NRBP1: variants seen among roughly 807,000 people sequenced by gnomAD.
NRBP1 encodes the protein nuclear receptor binding protein 1, also known as nuclear receptor-binding protein.
In NRBP1, 10 loss-of-function variants were observed where a neutral mutation model predicts 76.0. The observed-to-expected ratio is 0.13, with a 90% confidence interval of 0.08 to 0.22. NRBP1 has a LOEUF of 0.22. NRBP1 is among the 10% of genes least tolerant of loss of function. The probability of loss-of-function intolerance (pLI) is 1.00; values close to 1 mark genes in which losing one functional copy is unlikely to be tolerated. For missense variants in NRBP1, 344 were observed against 646.0 expected, an observed-to-expected ratio of 0.53 and a Z score of 5.07; for synonymous variants, 235 against 240.2, an observed-to-expected ratio of 0.98 and a Z score of 0.20.
chr2:27,441,548 C>A lies in NRBP1; in HGVS notation c.1448-19C>A, dbSNP rs371036113. 11 of 1,613,870 alleles carry A rather than the reference C, an allele frequency of 6.8e-6. No individual in the cohort carries two copies. Among genetic ancestry groups the A allele is most frequent in the Non-Finnish European group, 9.3e-6 (11 of 1,179,906 alleles). On this transcript the variant is annotated intron_variant, in intron 16 of 17. Coordinates refer to ENST00000379852, the MANE Select transcript of NRBP1 (RefSeq NM_013392.4). ...CCTCAGTCCCGTACTGTACTCACCC[C>A]CTCCTGTTTCTTTGTCAGATGAGAA...
At position 27,441,886 on chromosome 2, in the gene NRBP1, C is replaced by T. The variant is rs559793463; in HGVS notation, c.*74C>T. On this transcript the variant is annotated 3_prime_UTR_variant, in exon 18 of 18. Transcript: ENST00000379852. ...TGCTGCAGCCCTCCTGTCCCTTCCCCCCAGTCAGTATTACCCTGTGAAGCC... is the reference window on the plus strand; with the variant it reads ...TGCTGCAGCCCTCCTGTCCCTTCCCTCCAGTCAGTATTACCCTGTGAAGCC... The T allele has an allele frequency of 4.1e-5, 36 of 880,828 alleles. No individual in the cohort carries two copies. Among genetic ancestry groups the T allele is most frequent in the Middle Eastern group, 2.3e-4 (1 of 4,326 alleles). 54.6% of individuals were successfully genotyped at this position (880,828 alleles called of 1,614,324 possible).
At chr2:27,435,537 G>C (rs1664269706) in intron 7 of NRBP1, 2 of 638,354 alleles carry the variant, frequency 3.1e-6, no homozygotes, top group East Asian at 5.5e-5. Context: ...TGCCAGAGGA[G>C]GTTCCAGGCT....
chr2:27,436,926 C>G (rs1664328873), intron 8 of NRBP1, 90 bp downstream of exon 8: 8 of 1,447,588 alleles, frequency 5.5e-6, no homozygotes, highest in South Asian at 2.4e-5. Flanking sequence ...ACTGAAACTT[C>G]TAGGCCTTCT....
At chr2:27,430,472 T>TC (rs1298957667) in intron 1 of NRBP1, among the ~76,000 whole-genome samples, 2 of 111,112 alleles carry the variant, frequency 1.8e-5, no homozygotes, top group African/African-American at 7.8e-5. Context: ...TTTTTTTCTT[T>TC]TTTTTTTTTT....
rs368054308 is a variant in NRBP1, at chr2:27,440,434, C to G, written c.1068C>G (p.Ile356Met). 1 of 1,613,844 alleles carries G rather than the reference C, an allele frequency of 6.2e-7. No homozygotes were observed. Among genetic ancestry groups the G allele is most frequent in the East Asian group, 2.2e-5 (1 of 44,866 alleles). Reference protein sequence around the residue: ...HMIPENALEEITKNMDTSAVL... With the variant: ...HMIPENALEEMTKNMDTSAVL... ...TCCCAGAGAACGCTCTAGAGGAGAT[C>G]ACCAAAAACATGGATACTAGTGCCG... Residue 356 changes from isoleucine (I) to methionine (M), a missense_variant, in exon 12 of 18, where the codon ATC becomes ATG. This residue lies in a region of NRBP1 where 218 missense variants were observed against 309.8 expected (regional missense o/e 0.70). Coordinates refer to ENST00000379852, the MANE Select transcript of NRBP1 (RefSeq NM_013392.4).
chr2:27,433,596 G>A, intron 2 of NRBP1, 77 bp from the exon 3 acceptor site: 2 of 1,604,774 alleles, frequency 1.2e-6, no homozygotes, highest in Middle Eastern at 1.7e-4. Context: ...GGGCTAGGAG[G>A]AGATGATCAT....
At position 27,428,665 on chromosome 2, in the gene NRBP1, C is replaced by A. The variant is rs1663963170; in HGVS notation, c.-87C>A. On this transcript the variant is annotated 5_prime_UTR_variant, in exon 1 of 18. In the 5' UTR this introduces an upstream ATG that the reference lacks. Coordinates refer to ENST00000379852, the MANE Select transcript of NRBP1 (RefSeq NM_013392.4). ...GCGGAGCGCAGCTGTGAGGGAGTCG[C>A]TGTGATCCGGGGCCCCGGAACCCGA... 7.5e-6 allele frequency: 3 copies of A among 398,130 alleles called. No homozygotes were observed. The East Asian group carries it at 1.1e-4, about 14-fold the overall frequency. The allele number at this position is 398,130 out of a possible 1,614,324, so 24.7% of individuals were successfully genotyped here.
chr2:27,429,828 C>G (rs974391206), intron 1 of NRBP1, among the ~76,000 whole-genome samples: 7 of 152,136 alleles, frequency 4.6e-5, no homozygotes, highest in African/African-American at 1.7e-4. Flanking sequence ...GTCCTCGGTC[C>G]AGAAGTTTCT....
chr2:27,434,561 G>GTA lies in NRBP1; in HGVS notation c.525+4_525+5dup. 6.2e-7 allele frequency: 1 copy of GTA among 1,613,468 alleles called. No homozygotes were observed. The highest frequency in any genetic ancestry group is 1.7e-5 in the Admixed American group (1 of 60,024). ...GAACCACAAGACGATGAATGAAAAG[G>GTA]TATAGAAGGAGAGCAGACAAAGTTT... On this transcript the variant is annotated splice_donor_variant, in intron 5 of 17. Transcript: ENST00000379852. LOFTEE classifies it high-confidence loss of function.
intron 1 of NRBP1, among the ~76,000 whole-genome samples, chr2:27,431,443 G>T (rs1197488865): frequency 6.6e-6 from 1 of 152,160 alleles, no homozygotes; most frequent in Non-Finnish European, 1.5e-5. Flanking sequence ...TTGAATGTGG[G>T]CATTTATTTT....
intron 1 of NRBP1, among the ~76,000 whole-genome samples, chr2:27,432,764 A>C (rs1004202727): frequency 2.0e-5 from 3 of 150,350 alleles, no homozygotes; most frequent in African/African-American, 7.4e-5. Context: ...TTTTGTAAAG[A>C]TGGGGTCTCA....
chr2:27,437,427 G>A, intron 10 of NRBP1, 67 bp downstream of exon 10: 12 of 1,153,470 alleles, frequency 1.0e-5, no homozygotes, highest in Non-Finnish European at 1.6e-5. Context: ...TTCTTCCTTT[G>A]TACCCACTGG....
chr2:27,430,478 T>TTTTTTTTTTTC (rs1553317017), intron 1 of NRBP1, among the ~76,000 whole-genome samples: 22 of 137,778 alleles, frequency 1.6e-4, no homozygotes, highest in South Asian at 2.2e-4. Flanking sequence ...TCTTTTTTTT[T>TTTTTTTTTTTC]TTTTTTTTGA....
intron 10 of NRBP1, among the ~76,000 whole-genome samples, chr2:27,437,969 T>C (rs1664377853): frequency 2.0e-5 from 3 of 151,444 alleles, no homozygotes; most frequent in Admixed American, 1.3e-4. Flanking sequence ...GGTGGATCAC[T>C]TGAGGTCAGG....
rs189731387 is a variant in NRBP1, at chr2:27,434,337, C to G, written c.436-134C>G. On this transcript the variant is annotated intron_variant, in intron 4 of 17. Transcript: ENST00000379852. ...ACTTTCATTGCTTGTTTTCATTGCC[C>G]TATTTAGTCTAAGTAAGTAAAGCTA... The G allele has an allele frequency of 2.5e-4, 194 of 763,822 alleles. 2 individuals are homozygous for G. The African/African-American group carries it at 3.0e-3, about 12-fold the overall frequency. 47.3% of individuals were successfully genotyped at this position (763,822 alleles called of 1,614,324 possible). A position where few individuals can be genotyped will look rare whatever the true frequency, so the allele number is the denominator to read the frequency against.
chr2:27,433,220 C>A, intron 1 of NRBP1, 34 bp from the exon 2 acceptor site: 1 of 1,461,304 alleles, frequency 6.8e-7, no homozygotes, highest in Non-Finnish European at 9.6e-7. Flanking sequence ...ACTTTCTCTG[C>A]CTTTTCCCTC....
At chr2:27,441,028 A>T (rs576512795) in intron 14 of NRBP1, 88 bp downstream of exon 14, 1 of 1,608,246 alleles carries the variant, frequency 6.2e-7, no homozygotes, top group African/African-American at 1.3e-5. Context: ...CTTTAGAGAA[A>T]ATGCTCCCTA....
chr2:27,434,165 C>T, intron 4 of NRBP1, 75 bp downstream of exon 4: 4 of 1,191,992 alleles, frequency 3.4e-6, no homozygotes, highest in Non-Finnish European at 4.9e-6. Context: ...TCCTTTTACA[C>T]TCAGAGATTA....
chr2:27,440,987 GGA>G (rs766918267), intron 14 of NRBP1, 47 bp downstream of exon 14: 12 of 1,611,918 alleles, frequency 7.4e-6, no homozygotes, highest in Non-Finnish European at 1.0e-5. Context: ...GTGGTGGAAG[GGA>G]GAGAGGACAT....
Sources: gnomAD v4.1 joint callset for allele counts (sites outside exome capture counted in the v4.1 genomes callset) on GRCh38, gnomAD v4.1.1 for gene constraint, gnomAD v4.1.1 regional missense constraint, MANE v1.5 for transcripts, NCBI Gene and HGNC (gene_info 2026-07-23, HGNC 2026-07-21) for gene names.